BBS9: variants seen among roughly 807,000 people sequenced by gnomAD.
The protein encoded by BBS9 is Bardet-Biedl syndrome 9, also known as protein PTHB1.
A neutral mutation model predicts 117.7 loss-of-function variants in BBS9; 89 were observed. The observed-to-expected ratio is 0.76, with a 90% CI of 0.64 to 0.90. BBS9 has a LOEUF of 0.90. Ranked by LOEUF, BBS9 falls within the 40% of genes least tolerant of loss-of-function variation. BBS9 has a pLI of 0.00. For missense variants in BBS9, 982 were observed against 1,042.2 expected (o/e 0.94, Z 0.80); for synonymous variants, 379 against 370.9 (o/e 1.02, Z -0.25).
intron 21 of BBS9, among the ~76,000 whole-genome samples, chr7:33,576,101 A>C (rs1052949974): frequency 1.3e-5 from 2 of 152,212 alleles, no homozygotes; most frequent in African/African-American, 4.8e-5. Flanking sequence ...AATTAGGAAA[A>C]AAGGAAGTCA....
At chr7:33,153,826 T>C (rs1354156631) in intron 3 of BBS9, among the ~76,000 whole-genome samples, 1 of 152,202 alleles carries the variant, frequency 6.6e-6, no homozygotes. Context: ...ACCGAAGTGG[T>C]TGGTAAATAT....
At chr7:33,273,764 A>C in intron 8 of BBS9, 63 bp from the exon 9 acceptor site, 50 of 1,480,650 alleles carry the variant, frequency 3.4e-5, no homozygotes, top group Non-Finnish European at 4.3e-5. Context: ...ATTTCCTAAA[A>C]GAGATATACT....
At chr7:33,206,144 C>T (rs1289726330) in intron 5 of BBS9, among the ~76,000 whole-genome samples, 1 of 152,152 alleles carries the variant, frequency 6.6e-6, no homozygotes, top group Admixed American at 6.5e-5. Flanking sequence ...AACCAGTCCC[C>T]AAATCTCTGC....
At chr7:33,541,219 T>C (rs1224106418) in intron 21 of BBS9, among the ~76,000 whole-genome samples, 2 of 152,094 alleles carry the variant, frequency 1.3e-5, no homozygotes, top group African/African-American at 4.8e-5. Context: ...CCTCCTTCTG[T>C]ATGTCTGATC....
At chr7:33,406,667 A>G (rs1451640391) in intron 19 of BBS9, among the ~76,000 whole-genome samples, 1 of 151,782 alleles carries the variant, frequency 6.6e-6, no homozygotes, top group African/African-American at 2.4e-5. Context: ...TTGTCTGTAA[A>G]GTATTTTATT....
chr7:33,253,580 C>T (rs1429880507), intron 5 of BBS9, among the ~76,000 whole-genome samples: 2 of 152,130 alleles, frequency 1.3e-5, no homozygotes, highest in African/African-American at 4.8e-5. Context: ...CCACTGCACT[C>T]CAGCCTGGGC....
At position 33,565,843 on chromosome 7, in the gene BBS9, CTTA is replaced by C. The variant is rs1243737852; in HGVS notation, c.2521+31669_2521+31671del. Among the ~76,000 whole-genome samples, 113 of 34,038 alleles carry C rather than the reference CTTA, an allele frequency of 3.3e-3. 6 individuals are homozygous for C. Among genetic ancestry groups the C allele is most frequent in the African/African-American group, 6.6e-3 (71 of 10,718 alleles). 22.3% of individuals were successfully genotyped at this position (34,038 alleles called of 152,430 possible). ...TATATATATACCGCTATATATACTGCTTATATATATATATATATATATATATAG... is the reference window on the plus strand; with the variant it reads ...TATATATATACCGCTATATATACTGCTATATATATATATATATATATATAG... On this transcript the variant is annotated intron_variant, in intron 21 of 22. Coordinates refer to ENST00000242067, the MANE Select transcript of BBS9 (RefSeq NM_198428.3).
intron 21 of BBS9, among the ~76,000 whole-genome samples, chr7:33,574,212 AATAT>A (rs929780809): frequency 1.3e-5 from 2 of 152,178 alleles, no homozygotes; most frequent in African/African-American, 4.8e-5. Context: ...GCAAATAGTG[AATAT>A]AAGAAGCTAA....
At chr7:33,575,854 A>G (rs1439380675) in intron 21 of BBS9, among the ~76,000 whole-genome samples, 1 of 151,874 alleles carries the variant, frequency 6.6e-6, no homozygotes. Flanking sequence ...AAAATTCAAC[A>G]GCCCTTCATG....
intron 21 of BBS9, among the ~76,000 whole-genome samples, chr7:33,619,253 CAAAG>C (rs1002534566): frequency 5.3e-5 from 8 of 151,886 alleles, no homozygotes; most frequent in African/African-American, 1.9e-4. Flanking sequence ...TCACAAGAAA[CAAAG>C]ATATATATAA....
At chr7:33,387,485 CAT>C (rs1056999969) in intron 18 of BBS9, among the ~76,000 whole-genome samples, 6 of 151,972 alleles carry the variant, frequency 3.9e-5, no homozygotes, top group African/African-American at 1.2e-4. Flanking sequence ...TTTTTAAAAT[CAT>C]GTGGAATTAA....
intron 20 of BBS9, among the ~76,000 whole-genome samples, chr7:33,526,665 G>A (rs2129049788): frequency 6.9e-6 from 1 of 144,406 alleles, no homozygotes; most frequent in South Asian, 2.3e-4. Context: ...TTTTTTCAAA[G>A]TTTTCAACCT....
intron 19 of BBS9, among the ~76,000 whole-genome samples, chr7:33,443,005 A>G (rs190941799): frequency 6.6e-6 from 1 of 152,322 alleles, no homozygotes; most frequent in African/African-American, 2.4e-5. Flanking sequence ...CTTGGTTTTT[A>G]TGACTGGCTT....
intron 20 of BBS9, among the ~76,000 whole-genome samples, chr7:33,529,726 A>G (rs933971044): frequency 7.9e-5 from 12 of 152,196 alleles, no homozygotes; most frequent in African/African-American, 2.9e-4. Context: ...TTTGAGGACT[A>G]TAACAAAAAT....
At position 33,581,653 on chromosome 7, in the gene BBS9, G is replaced by A. The variant is rs1303151226; in HGVS notation, c.2522-23212G>A. Among the ~76,000 whole-genome samples, 3 of 152,142 alleles carry A rather than the reference G, an allele frequency of 2.0e-5. No individual in the cohort carries two copies. In the East Asian group the frequency reaches 5.8e-4, roughly 29 times the overall value. ...CCTGCCAAGAGGGTTGGTTATTCTT[G>A]TAGTTTGGGTTCAAAAGCCTTGCTG... is the stretch of plus-strand genomic sequence containing the variant. On this transcript the variant is annotated intron_variant, in intron 21 of 22. Coordinates refer to ENST00000242067, the MANE Select transcript of BBS9 (RefSeq NM_198428.3).
At chr7:33,226,776 A>G (rs1791363777) in intron 5 of BBS9, among the ~76,000 whole-genome samples, 1 of 152,214 alleles carries the variant, frequency 6.6e-6, no homozygotes. Context: ...TAAGTGAAAT[A>G]AGCCAGTCAC....
chr7:33,580,324 AAAGTT>A (rs1262181048), intron 21 of BBS9, among the ~76,000 whole-genome samples: 2 of 151,648 alleles, frequency 1.3e-5, no homozygotes, highest in African/African-American at 4.8e-5. Flanking sequence ...TCGAGAAAAG[AAAGTT>A]AATCACGAGG....
intron 17 of BBS9, among the ~76,000 whole-genome samples, chr7:33,378,256 A>G (rs1824270402): frequency 6.6e-6 from 1 of 152,304 alleles, no homozygotes; most frequent in South Asian, 2.1e-4. Flanking sequence ...TCTCACTAGA[A>G]TGAGGACTAG....
intron 20 of BBS9, among the ~76,000 whole-genome samples, chr7:33,515,387 T>C (rs370490054): frequency 6.6e-6 from 1 of 152,180 alleles, no homozygotes; most frequent in Admixed American, 6.5e-5. Flanking sequence ...TGTAGCATTG[T>C]CCCTCCCGTG....
Sources: gnomAD v4.1 joint callset for allele counts (sites outside exome capture counted in the v4.1 genomes callset) on GRCh38, gnomAD v4.1.1 for gene constraint, MANE v1.5 for transcripts, NCBI Gene and HGNC (gene_info 2026-07-23, HGNC 2026-07-21) for gene names.